The following EFCAB11 variants were observed in gnomAD, a reference collection of about 807,000 sequenced individuals.
EFCAB11 encodes EF-hand calcium binding domain 11, also known as EF-hand calcium-binding domain-containing protein 11.
In EFCAB11, 14 loss-of-function variants were observed where a neutral mutation model predicts 23.0. The observed-to-expected ratio is 0.61, with a 90% CI of 0.40 to 0.95. The LOEUF (loss-of-function observed/expected upper bound fraction) is 0.95. Among genes scored for constraint, EFCAB11 ranks in the 40% least tolerant of loss-of-function variants. The pLI is 0.00. For synonymous variants in EFCAB11, 65 were observed against 66.6 expected (o/e 0.98, Z 0.11); for missense variants, 198 against 195.8 (o/e 1.01, Z -0.07).
intron 5 of EFCAB11, among the ~76,000 whole-genome samples, chr14:89,890,430 T>A (rs1236775690): frequency 6.6e-6 from 1 of 152,192 alleles, no homozygotes; most frequent in East Asian, 1.9e-4. Context: ...ATTACTGATT[T>A]TATATATTTT....
chr14:89,827,222 T>C (rs1886721343), intron 5 of EFCAB11, among the ~76,000 whole-genome samples: 1 of 152,144 alleles, frequency 6.6e-6, no homozygotes, highest in Non-Finnish European at 1.5e-5. Flanking sequence ...TATTAGAACC[T>C]AGGAGGCTGC....
In EFCAB11 at chr14:89,931,668, A is replaced by C; in HGVS notation, c.320-37T>G. The stretch of plus-strand genomic sequence containing the variant: ...CAATAAAAAATATTCACTTACTTTA[A>C]TAAGACCTATCAACTGTTACTTCAG... On this transcript the variant is annotated intron_variant, in intron 4 of 5. Transcript: ENST00000316738. The C allele has an allele frequency of 1.9e-6, 3 of 1,560,990 alleles. No homozygotes were observed. In the South Asian group the frequency reaches 3.4e-5, roughly 17 times the overall value.
At chr14:89,907,155 A>G (rs1279381102) in intron 5 of EFCAB11, among the ~76,000 whole-genome samples, 1 of 152,190 alleles carries the variant, frequency 6.6e-6, no homozygotes, top group Non-Finnish European at 1.5e-5. Context: ...GAACTGACCA[A>G]CAGCCCCTGC....
In EFCAB11 at chr14:89,797,114, A is replaced by G. The variant is rs1885600074; in HGVS notation, c.*129T>C. 2.7e-6 allele frequency: 2 copies of G among 729,800 alleles called. No individual in the cohort carries two copies. Among genetic ancestry groups the G allele is most frequent in the Non-Finnish European group, 4.4e-6 (2 of 459,446 alleles). The allele number at this position is 729,800 out of a possible 1,614,324, so 45.2% of individuals were successfully genotyped here. On this transcript the variant is annotated 3_prime_UTR_variant, in exon 6 of 6. Coordinates refer to ENST00000316738, the MANE Select transcript of EFCAB11 (RefSeq NM_145231.4). ...ATGTATACATATGCACCTACTATGT[A>G]CCCACAAAAATTAAAAATTTTTAAA...
chr14:89,952,721 G>C (rs1011137974), intron 2 of EFCAB11: 1 of 528,444 alleles, frequency 1.9e-6, no homozygotes. Flanking sequence ...AGGGTCCCTG[G>C]CTTTGCTGGG....
intron 5 of EFCAB11, among the ~76,000 whole-genome samples, chr14:89,886,823 A>C (rs1473097657): frequency 2.0e-5 from 3 of 152,212 alleles, no homozygotes; most frequent in African/African-American, 7.2e-5. Flanking sequence ...GCAGATACAC[A>C]ATTCTCAGAG....
chr14:89,952,376 T>A (rs1319264620), intron 2 of EFCAB11: 1 of 984,986 alleles, frequency 1.0e-6, no homozygotes, highest in Non-Finnish European at 1.2e-6. Context: ...AAGGCAAAAA[T>A]GAGACAAGAT....
intron 5 of EFCAB11, among the ~76,000 whole-genome samples, chr14:89,885,578 G>A (rs191576076): frequency 4.5e-4 from 68 of 152,122 alleles, no homozygotes; most frequent in Middle Eastern, 3.4e-3. Flanking sequence ...CTTGGAGGCT[G>A]GGGCAGAAGA....
intron 5 of EFCAB11, among the ~76,000 whole-genome samples, chr14:89,829,643 C>T (rs747066426): frequency 1.3e-5 from 2 of 152,112 alleles, no homozygotes; most frequent in Non-Finnish European, 2.9e-5. Context: ...ACATGTTTTT[C>T]AATGACAGGT....
chr14:89,878,945 C>T (rs975612142), intron 5 of EFCAB11, among the ~76,000 whole-genome samples: 7 of 151,952 alleles, frequency 4.6e-5, no homozygotes, highest in Non-Finnish European at 7.4e-5. Context: ...CTATACATTT[C>T]ATTATCTTAA....
intron 3 of EFCAB11, among the ~76,000 whole-genome samples, chr14:89,937,543 T>A (rs899812912): frequency 6.6e-6 from 1 of 151,822 alleles, no homozygotes; most frequent in African/African-American, 2.4e-5. Flanking sequence ...ATATATATAT[T>A]TTAGATGGAG....
intron 3 of EFCAB11, among the ~76,000 whole-genome samples, chr14:89,946,162 C>CGTTG (rs1014420526): frequency 1.3e-5 from 2 of 152,086 alleles, no homozygotes; most frequent in African/African-American, 4.8e-5. Flanking sequence ...GATTCGTCTG[C>CGTTG]GTTGGCCTCT....
chr14:89,876,929 C>T (rs1005660177), intron 5 of EFCAB11, among the ~76,000 whole-genome samples: 1 of 152,148 alleles, frequency 6.6e-6, no homozygotes, highest in Admixed American at 6.5e-5. Flanking sequence ...AGAATGAGCC[C>T]ACGGACTATC....
chr14:89,924,531 C>T lies in EFCAB11; in HGVS notation c.410+7010G>A, dbSNP rs1890127565. The T allele has an allele frequency of 3.4e-6, 5 of 1,483,496 alleles. No homozygotes were observed. The South Asian group carries it at 5.3e-5, about 16-fold the overall frequency. The allele number at this position is 1,483,496 out of a possible 1,614,324, so 91.9% of individuals were successfully genotyped here. The stretch of plus-strand genomic sequence containing the variant: ...TGCTTACAATGAGATGGAGAAGGTT[C>T]CTAGGCATGGAGAAGTAAACATATC... On this transcript the variant is annotated intron_variant, in intron 5 of 5. Coordinates refer to ENST00000316738, the MANE Select transcript of EFCAB11 (RefSeq NM_145231.4).
At chr14:89,938,662 C>T (rs1419937471) in intron 3 of EFCAB11, among the ~76,000 whole-genome samples, 1 of 152,140 alleles carries the variant, frequency 6.6e-6, no homozygotes, top group African/African-American at 2.4e-5. Context: ...TGGCTCACAT[C>T]TGTAATCCCA....
intron 5 of EFCAB11, chr14:89,892,500 G>A (rs1889004144): frequency 2.2e-6 from 3 of 1,360,294 alleles, no homozygotes; most frequent in Non-Finnish European, 3.0e-6. Flanking sequence ...GGTGGGATGG[G>A]GAATGTTAGT....
intron 5 of EFCAB11, among the ~76,000 whole-genome samples, chr14:89,882,085 T>C (rs984984092): frequency 6.6e-6 from 1 of 152,218 alleles, no homozygotes; most frequent in African/African-American, 2.4e-5. Context: ...TTCAAACACC[T>C]TTTTTCTACT....
intron 5 of EFCAB11, among the ~76,000 whole-genome samples, chr14:89,813,840 A>G (rs1886233889): frequency 2.0e-5 from 3 of 152,208 alleles, no homozygotes; most frequent in Non-Finnish European, 4.4e-5. Flanking sequence ...GTGAGTTTAT[A>G]AGAAAGGAAT....
chr14:89,896,953 C>T (rs572481775), intron 5 of EFCAB11, among the ~76,000 whole-genome samples: 1 of 152,100 alleles, frequency 6.6e-6, no homozygotes, highest in Non-Finnish European at 1.5e-5. Flanking sequence ...TCTTGAACTC[C>T]TGGCCTTGAC....
Sources: gnomAD v4.1 joint callset for allele counts (sites outside exome capture counted in the v4.1 genomes callset) on GRCh38, gnomAD v4.1.1 for gene constraint, MANE v1.5 for transcripts, NCBI Gene and HGNC (gene_info 2026-07-23, HGNC 2026-07-21) for gene names.